ZNF717: variants seen among roughly 807,000 people sequenced by gnomAD.
ZNF717 encodes the protein zinc finger protein 717, also known as krueppel-like factor X17.
In ZNF717, 9 loss-of-function variants were observed where a neutral mutation model predicts 13.8. The observed-to-expected ratio is 0.65, with a 90% CI of 0.39 to 1.14. The LOEUF is 1.14. Among genes scored for constraint, ZNF717 ranks in the 50% most tolerant of loss-of-function variants. ZNF717 has a pLI of 0.01. For synonymous variants in ZNF717, 327 were observed against 364.1 expected (o/e 0.90, Z 1.16); for missense variants, 1,040 against 1,080.7 (o/e 0.96, Z 0.53).
At chr3:75,760,542 C>G (rs1942909974) in intron 2 of ZNF717, among the ~76,000 whole-genome samples, 1 of 152,138 alleles carries the variant, frequency 6.6e-6, no homozygotes, top group Admixed American at 6.5e-5. Flanking sequence ...GCAACAAAGG[C>G]AGTGCTAAAG....
chr3:75,729,033 G>T (rs1213836992), downstream of ZNF717, among the ~76,000 whole-genome samples: 1 of 148,116 alleles, frequency 6.8e-6, no homozygotes, highest in African/African-American at 2.5e-5. Flanking sequence ...ATGCATTTGT[G>T]TCAGGTGGGC....
chr3:75,710,011 G>C (rs1575715577), exon 6 of ZNF717: 1 of 152,122 alleles, frequency 6.6e-6, no homozygotes. Context: ...AATTTGAAGG[G>C]AGTAGTTTTC....
At chr3:75,720,266 A>C (rs1372562327) in intron 4 of ZNF717, among the ~76,000 whole-genome samples, 2 of 152,204 alleles carry the variant, frequency 1.3e-5, no homozygotes, top group Non-Finnish European at 2.9e-5. Flanking sequence ...CAGGACAAAG[A>C]AAATGTGGCA....
rs1341328147 is a variant in ZNF717, at chr3:75,736,093, T to C, written c.*785A>G. 3.3e-5 allele frequency: 5 copies of C among 152,366 alleles called. No homozygotes were observed. The highest frequency in any genetic ancestry group is 4.1e-4 in the South Asian group (2 of 4,834). The allele number at this position is 152,366 out of a possible 1,614,324, so 9.4% of individuals were successfully genotyped here. A position where few individuals can be genotyped will look rare whatever the true frequency, so the allele number is the denominator to read the frequency against. Reference sequence around the variant, plus strand: ...GTGATTTCTGATGTTACTAATGGAATTGTCTCAGCGTGCTGGAACTCTATG... The same window carrying C: ...GTGATTTCTGATGTTACTAATGGAACTGTCTCAGCGTGCTGGAACTCTATG... On this transcript the variant is annotated 3_prime_UTR_variant, in exon 5 of 5. Transcript: ENST00000652011.
chr3:75,705,773 C>T (rs1391171267), downstream of ZNF717, among the ~76,000 whole-genome samples: 3 of 152,398 alleles, frequency 2.0e-5, no homozygotes, highest in Admixed American at 6.5e-5. Flanking sequence ...GGTATATGTA[C>T]CCTTTTCTAT....
At chr3:75,696,748 C>T (rs1937608123) in intron 6 of ZNF717, among the ~76,000 whole-genome samples, 1 of 152,308 alleles carries the variant, frequency 6.6e-6, no homozygotes, top group Non-Finnish European at 1.5e-5. Flanking sequence ...CAAAAATTAA[C>T]CAGTCACGGT....
intron 2 of ZNF717, among the ~76,000 whole-genome samples, chr3:75,760,374 A>G (rs186719414): frequency 1.7e-3 from 264 of 152,328 alleles, no homozygotes; most frequent in African/African-American, 5.7e-3. Flanking sequence ...TACATTTCTG[A>G]GTTAAGAATG....
chr3:75,747,006 T>G (rs1941244508), intron 2 of ZNF717, among the ~76,000 whole-genome samples: 1 of 152,186 alleles, frequency 6.6e-6, no homozygotes, highest in Admixed American at 6.6e-5. Context: ...GGTCTAACAT[T>G]TAAGTCTTTA....
At chr3:75,747,670 T>C (rs1362496523) in intron 2 of ZNF717, among the ~76,000 whole-genome samples, 1 of 152,178 alleles carries the variant, frequency 6.6e-6, no homozygotes, top group Non-Finnish European at 1.5e-5. Context: ...TTCCCTGTTA[T>C]TGGTGTATAA....
chr3:75,731,933 C>A, downstream of ZNF717: 2 of 624,310 alleles, frequency 3.2e-6, no homozygotes, highest in Non-Finnish European at 5.7e-6. Flanking sequence ...ACCTTAGGAA[C>A]CAGTGCTGGA....
rs1324122036 is a variant in ZNF717 at position 75,738,473 on chromosome 3, A to G, written c.1150T>C (p.Leu384=). Reference sequence around the variant, plus strand: ...TCCCCTGAGTGAGTTCTGTGATGTAAAGTGAGAAGTGACTTACAGTGAAAA... The same window carrying G: ...TCCCCTGAGTGAGTTCTGTGATGTAGAGTGAGAAGTGACTTACAGTGAAAA... ...KTFHCKSLLT[L]HHRTHSGEKP... The change falls in exon 5 of 5, where the codon TTA becomes CTA. Residue 384 remains leucine (L), a synonymous_variant. Transcript: ENST00000652011. The G allele has an allele frequency of 3.3e-6, 5 of 1,531,706 alleles. No individual in the cohort carries two copies. The highest frequency in any genetic ancestry group is 4.4e-6 in the Non-Finnish European group (5 of 1,132,970). 94.9% of individuals were successfully genotyped at this position (1,531,706 alleles called of 1,614,324 possible). A position where few individuals can be genotyped will look rare whatever the true frequency, so the allele number is the denominator to read the frequency against.
At chr3:75,707,911 T>A (rs1482788937), downstream of ZNF717, among the ~76,000 whole-genome samples, 2 of 152,254 alleles carry the variant, frequency 1.3e-5, no homozygotes, top group African/African-American at 4.8e-5. Flanking sequence ...GAGGGGCGCC[T>A]GCCATTGCCC....
intron 2 of ZNF717, 81 bp downstream of exon 2, chr3:75,783,225 C>T (rs1944937526): frequency 1.8e-6 from 2 of 1,107,942 alleles, no homozygotes; most frequent in Non-Finnish European, 2.7e-6. Context: ...CTTATTTCCA[C>T]TTTTCTTTTT....
At chr3:75,734,420 TG>T (rs1938894468), downstream of ZNF717, among the ~76,000 whole-genome samples, 16 of 92,820 alleles carry the variant, frequency 1.7e-4, no homozygotes, top group South Asian at 1.5e-3. Context: ...GGTGGTAAAA[TG>T]GGTTTTTTTT....
chr3:75,704,883 T>C (rs1937772297), downstream of ZNF717, among the ~76,000 whole-genome samples: 1 of 152,422 alleles, frequency 6.6e-6, no homozygotes, highest in African/African-American at 2.4e-5. Flanking sequence ...TCTTGGAACC[T>C]AGTATTTTTG....
At chr3:75,708,603 C>G (rs1427984180), downstream of ZNF717, among the ~76,000 whole-genome samples, 1 of 152,120 alleles carries the variant, frequency 6.6e-6, no homozygotes, top group Non-Finnish European at 1.5e-5. Context: ...AGCAATGGAA[C>G]AAAGCTGGAC....
intron 2 of ZNF717, among the ~76,000 whole-genome samples, chr3:75,767,788 G>C (rs1284038773): frequency 6.6e-6 from 1 of 151,896 alleles, no homozygotes; most frequent in African/African-American, 2.4e-5. Flanking sequence ...ACAGGAGAGG[G>C]ACATGATCTA....
At chr3:75,774,795 AT>A (rs1944181191) in intron 2 of ZNF717, among the ~76,000 whole-genome samples, 3 of 150,462 alleles carry the variant, frequency 2.0e-5, no homozygotes. Context: ...TAATTTTTGT[AT>A]TTTTAGTAGA....
intron 4 of ZNF717, among the ~76,000 whole-genome samples, chr3:75,739,883 A>G (rs1190681561): frequency 6.6e-6 from 1 of 152,244 alleles, no homozygotes; most frequent in Non-Finnish European, 1.5e-5. Context: ...GAGAATGGTT[A>G]AATGTGTCTG....
Sources: gnomAD v4.1 joint callset for allele counts (sites outside exome capture counted in the v4.1 genomes callset) on GRCh38, gnomAD v4.1.1 for gene constraint, MANE v1.5 for transcripts, NCBI Gene and HGNC (gene_info 2026-07-23, HGNC 2026-07-21) for gene names.